MYO3A: variants seen among roughly 807,000 people sequenced by gnomAD.
MYO3A encodes the protein myosin-IIIa.
Under a neutral mutation model 192.7 loss-of-function variants are expected in MYO3A, and 180 were observed. The ratio of observed to expected loss-of-function variants is 0.93; its 90% CI spans 0.83 to 1.06. MYO3A has a LOEUF of 1.06. Among genes scored for constraint, MYO3A ranks in the 50% least tolerant of loss-of-function variants. The pLI is 0.00. For synonymous variants in MYO3A, 628 were observed against 645.3 expected, an observed-to-expected ratio of 0.97 and a Z score of 0.41; for missense variants, 1,896 against 1,905.0, an observed-to-expected ratio of 1.00 and a Z score of 0.09.
intron 24 of MYO3A, 121 bp from the exon 25 acceptor site, chr10:26,154,625 T>G: frequency 1.2e-6 from 1 of 815,076 alleles, no homozygotes; most frequent in Non-Finnish European, 2.1e-6. Context: ...ATCAACATTT[T>G]GCTGTTTTAC....
chr10:26,046,967 T>C (rs1214456743), intron 10 of MYO3A, among the ~76,000 whole-genome samples: 1 of 152,204 alleles, frequency 6.6e-6, no homozygotes, highest in Non-Finnish European at 1.5e-5. Flanking sequence ...TTACAAATTC[T>C]GAAGGTTTAG....
At chr10:25,984,517 A>T (rs1382866535) in intron 4 of MYO3A, among the ~76,000 whole-genome samples, 1 of 152,042 alleles carries the variant, frequency 6.6e-6, no homozygotes, top group Non-Finnish European at 1.5e-5. Flanking sequence ...ACAATAAACT[A>T]CCTTTCTGCC....
intron 7 of MYO3A, among the ~76,000 whole-genome samples, chr10:26,019,055 G>C (rs1468037672): frequency 6.6e-6 from 1 of 151,844 alleles, no homozygotes; most frequent in Non-Finnish European, 1.5e-5. Flanking sequence ...TATATTCACA[G>C]GGCTGTGCAA....
At chr10:26,130,503 A>G (rs1490616338) in intron 20 of MYO3A, among the ~76,000 whole-genome samples, 1 of 152,176 alleles carries the variant, frequency 6.6e-6, no homozygotes, top group African/African-American at 2.4e-5. Context: ...AACTTATTCT[A>G]TAAAGCCCTT....
At chr10:26,099,166 G>T (rs559877682) in intron 17 of MYO3A, among the ~76,000 whole-genome samples, 25 of 152,202 alleles carry the variant, frequency 1.6e-4, no homozygotes, top group African/African-American at 5.8e-4. Flanking sequence ...TATTCTCTTT[G>T]AAGCATTTGT....
chr10:26,003,763 G>A (rs992890272), intron 6 of MYO3A, among the ~76,000 whole-genome samples: 4 of 151,974 alleles, frequency 2.6e-5, no homozygotes, highest in African/African-American at 9.7e-5. Flanking sequence ...TTTCTCTCTG[G>A]GGAACTTCAT....
rs141799184 is a variant in MYO3A at position 25,946,645 on chromosome 10, C to T, written c.-17-5449C>T. 3.9e-3 allele frequency among the ~76,000 whole-genome samples: 588 copies of T among 151,226 alleles called. 4 individuals are homozygous for T. The highest frequency in any genetic ancestry group is 0.014 in the African/African-American group (559 of 41,236). On this transcript the variant is annotated intron_variant, in intron 2 of 34. Transcript: ENST00000642920. Reference sequence around the variant, plus strand: ...CGGTAATCCCAGCACTGTGGGAGGCCGAGGCGGGTGGATCACGAGGTCAGG... The same window carrying T: ...CGGTAATCCCAGCACTGTGGGAGGCTGAGGCGGGTGGATCACGAGGTCAGG...
intron 7 of MYO3A, 129 bp from the exon 8 acceptor site, chr10:26,021,374 C>A (rs1405516886): frequency 9.2e-7 from 1 of 1,086,360 alleles, no homozygotes; most frequent in Non-Finnish European, 1.4e-6. Flanking sequence ...TCCTAAGTTA[C>A]TGCCTTCGTC....
At chr10:26,130,167 T>C (rs1255885025) in intron 20 of MYO3A, among the ~76,000 whole-genome samples, 1 of 151,276 alleles carries the variant, frequency 6.6e-6, no homozygotes, top group East Asian at 1.9e-4. Flanking sequence ...TGCAGTGGGG[T>C]GGTGTTGGCT....
At chr10:26,147,215 T>C (rs1473797243) in intron 22 of MYO3A, among the ~76,000 whole-genome samples, 2 of 152,104 alleles carry the variant, frequency 1.3e-5, no homozygotes, top group Admixed American at 6.5e-5. Flanking sequence ...TCAACCCAAA[T>C]AAAATCAGTG....
intron 26 of MYO3A, among the ~76,000 whole-genome samples, chr10:26,159,810 T>C (rs1316933752): frequency 1.3e-5 from 2 of 152,182 alleles, no homozygotes; most frequent in Non-Finnish European, 2.9e-5. Flanking sequence ...CCAATCCTTA[T>C]AGTAGTTTAA....
chr10:26,119,255 C>T (rs573552631), intron 17 of MYO3A, among the ~76,000 whole-genome samples: 4 of 152,188 alleles, frequency 2.6e-5, no homozygotes, highest in Middle Eastern at 3.4e-3. Context: ...CTATTTTCTT[C>T]GTAGCCCTTG....
intron 10 of MYO3A, among the ~76,000 whole-genome samples, chr10:26,029,163 C>T (rs1237492693): frequency 6.6e-6 from 1 of 152,180 alleles, no homozygotes; most frequent in Non-Finnish European, 1.5e-5. Context: ...TTTAGATTCT[C>T]ATGCTTGTGC....
At chr10:26,143,701 C>A in intron 21 of MYO3A, 100 bp downstream of exon 21, 1 of 1,424,872 alleles carries the variant, frequency 7.0e-7, no homozygotes, top group South Asian at 1.2e-5. Context: ...AAGAAAATAG[C>A]TGTCACAAAG....
At chr10:25,982,044 A>G (rs7908742) in intron 4 of MYO3A, among the ~76,000 whole-genome samples, 103,452 of 152,072 alleles carry the variant, frequency 0.68, 35,748 homozygotes, top group African/African-American at 0.8. Context: ...GGTGCTGTTG[A>G]TGGGGCACGG....
At position 26,157,737 on chromosome 10, in the gene MYO3A, G is replaced by A. The variant is rs116034089; in HGVS notation, c.2999+222G>A. Among the ~76,000 whole-genome samples the A allele has an allele frequency of 4.6e-3, 699 of 152,286 alleles. 8 individuals are homozygous for A. Among genetic ancestry groups the A allele is most frequent in the African/African-American group, 0.015 (644 of 41,550 alleles). ...TGTGGTATAGGCAGCATGATCCAGA[G>A]GCGTGAGCTTCTGTACTGAGGAGTT... On this transcript the variant is annotated intron_variant, in intron 26 of 34. Transcript: ENST00000642920.
At chr10:26,132,082 T>C (rs906650730) in intron 20 of MYO3A, among the ~76,000 whole-genome samples, 1 of 152,258 alleles carries the variant, frequency 6.6e-6, no homozygotes, top group African/African-American at 2.4e-5. Context: ...CAAATGGCAG[T>C]ATTCCATTGC....
chr10:26,124,466 A>T (rs1839078958), intron 18 of MYO3A, among the ~76,000 whole-genome samples: 1 of 152,198 alleles, frequency 6.6e-6, no homozygotes, highest in South Asian at 2.1e-4. Context: ...GGTAGTAAAT[A>T]TGCCTAGAAG....
Position 26,020,251 on chromosome 10 carries a change from T to G in MYO3A, c.586-1252T>G, listed in dbSNP as rs533214574. Reference sequence around the variant, plus strand: ...CTTGCCTCCTCTCAAGAGTGTCTGTTGCCCGATATGTTGTGTTTATCATTG... The same window carrying G: ...CTTGCCTCCTCTCAAGAGTGTCTGTGGCCCGATATGTTGTGTTTATCATTG... On this transcript the variant is annotated intron_variant, in intron 7 of 34. Transcript: ENST00000642920. 5.3e-5 allele frequency among the ~76,000 whole-genome samples: 8 copies of G among 152,354 alleles called. No individual in the cohort carries two copies. The South Asian group carries it at 1.5e-3, about 28-fold the overall frequency.
Sources: allele counts gnomAD v4.1 joint callset (sites outside exome capture counted in the v4.1 genomes callset), GRCh38; gene constraint gnomAD v4.1.1; transcripts MANE v1.5; gene names NCBI Gene and HGNC (gene_info 2026-07-23, HGNC 2026-07-21).